Variants in MARCHF1 observed in about 807,000 individuals in gnomAD.
The protein encoded by MARCHF1 is membrane associated ring-CH-type finger 1.
A neutral mutation model predicts 54.2 loss-of-function variants in MARCHF1; 40 were observed. The observed-to-expected ratio is 0.74, with a 90% CI of 0.57 to 0.96. The LOEUF is 0.96. Among genes scored for constraint, MARCHF1 ranks in the 40% least tolerant of loss-of-function variants. The pLI is 0.00. For missense variants in MARCHF1, 586 were observed against 656.5 expected (o/e 0.89, Z 1.17); for synonymous variants, 236 against 236.3 (o/e 1.00, Z 0.01).
intron 1 of MARCHF1, among the ~76,000 whole-genome samples, chr4:164,182,704 A>G (rs551374708): frequency 6.6e-6 from 1 of 152,128 alleles, no homozygotes; most frequent in East Asian, 1.9e-4. Flanking sequence ...TAAATTAAAA[A>G]AAGAAGAAGC....
intron 8 of MARCHF1, among the ~76,000 whole-genome samples, chr4:163,547,282 C>T (rs182572433): frequency 6.6e-6 from 1 of 152,222 alleles, no homozygotes; most frequent in Non-Finnish European, 1.5e-5. Context: ...AATAACCATT[C>T]TTCACTTCTT....
At chr4:163,771,541 T>C (rs1747161293) in intron 4 of MARCHF1, among the ~76,000 whole-genome samples, 1 of 152,162 alleles carries the variant, frequency 6.6e-6, no homozygotes, top group Admixed American at 6.5e-5. Flanking sequence ...GAAAGACAAA[T>C]GAGCTCCCTC....
In MARCHF1 at chr4:163,894,654, TATATATGCATGTGATGC is replaced by T. The variant is rs1560807704; in HGVS notation, c.-38-40502_-38-40486del. On this transcript the variant is annotated intron_variant, in intron 3 of 9. Transcript: ENST00000514618. ...CATATATATATATGCATGTGATGCA[TATATATGCATGTGATGC>T]ATATATATGCATGTGATGCATATAT... Among the ~76,000 whole-genome samples the T allele has an allele frequency of 2.4e-3, 170 of 71,016 alleles. 64 individuals carry two copies. The highest frequency in any genetic ancestry group is 7.0e-3 in the South Asian group (10 of 1,438). 46.6% of individuals were successfully genotyped at this position (71,016 alleles called of 152,430 possible). A position where few individuals can be genotyped will look rare whatever the true frequency, so the allele number is the denominator to read the frequency against.
chr4:163,683,281 A>G (rs550402432), intron 5 of MARCHF1, among the ~76,000 whole-genome samples: 22 of 152,314 alleles, frequency 1.4e-4, no homozygotes, highest in Non-Finnish European at 1.8e-4. Context: ...GGTGGTCGAC[A>G]AGAGAAGAGA....
At chr4:164,149,461 A>G (rs926846982) in intron 1 of MARCHF1, among the ~76,000 whole-genome samples, 2 of 152,222 alleles carry the variant, frequency 1.3e-5, no homozygotes, top group Admixed American at 1.3e-4. Context: ...TTTAAATGGC[A>G]CAACAACCAG....
Position 164,015,183 on chromosome 4 carries a change from G to A in MARCHF1, c.-247-26474C>T, listed in dbSNP as rs147602726. On this transcript the variant is annotated intron_variant, in intron 2 of 9. Coordinates refer to ENST00000514618, the MANE Select transcript of MARCHF1 (RefSeq NM_001394959.1). ...GGTTATCTCATTTTTTGACAAAGGTGCCAAGGACATACGATGGGTAAAGCA... is the reference window on the plus strand; with the variant it reads ...GGTTATCTCATTTTTTGACAAAGGTACCAAGGACATACGATGGGTAAAGCA... Among the ~76,000 whole-genome samples the A allele has an allele frequency of 2.0e-3, 297 of 152,210 alleles. 3 individuals are homozygous for A. The highest frequency in any genetic ancestry group is 0.01 in the Middle Eastern group (3 of 294).
intron 1 of MARCHF1, among the ~76,000 whole-genome samples, chr4:164,310,063 TTTTA>T (rs1038168647): frequency 6.6e-6 from 1 of 151,940 alleles, no homozygotes; most frequent in Non-Finnish European, 1.5e-5. Context: ...TTTTAATTCT[TTTTA>T]TTTTTTTAAT....
chr4:164,184,771 T>C (rs140450343), intron 1 of MARCHF1, among the ~76,000 whole-genome samples: 32 of 152,300 alleles, frequency 2.1e-4, no homozygotes, highest in African/African-American at 7.7e-4. Flanking sequence ...GTCCTTGTAG[T>C]CTCAGCTAGC....
chr4:164,205,606 C>T (rs893258080), intron 1 of MARCHF1, among the ~76,000 whole-genome samples: 79 of 152,132 alleles, frequency 5.2e-4, no homozygotes, highest in African/African-American at 1.9e-3. Context: ...TAGGTTCTAT[C>T]AATTTAGTGA....
At position 164,072,046 on chromosome 4, in the gene MARCHF1, GAAGT is replaced by G. The variant is rs1482668424; in HGVS notation, c.-248+39538_-248+39541del. 9.3e-5 allele frequency among the ~76,000 whole-genome samples: 14 copies of G among 150,052 alleles called. No homozygotes were observed. The South Asian group carries it at 2.7e-3, about 29-fold the overall frequency. Reference sequence around the variant, plus strand: ...TTAACATAGAAACCAAAAAAAAAAAGAAGTAATAAAAGCACTTGTGCTCAGCACT... The same window carrying G: ...TTAACATAGAAACCAAAAAAAAAAAGAATAAAAGCACTTGTGCTCAGCACT... On this transcript the variant is annotated intron_variant, in intron 2 of 9. Coordinates refer to ENST00000514618, the MANE Select transcript of MARCHF1 (RefSeq NM_001394959.1).
chr4:164,143,477 G>A (rs1314457018), intron 1 of MARCHF1, among the ~76,000 whole-genome samples: 1 of 150,874 alleles, frequency 6.6e-6, no homozygotes, highest in African/African-American at 2.4e-5. Flanking sequence ...AGATCTCTCG[G>A]CAGAAACTCT....
chr4:164,020,207 G>A (rs908686862), intron 2 of MARCHF1, among the ~76,000 whole-genome samples: 3 of 152,044 alleles, frequency 2.0e-5, no homozygotes, highest in African/African-American at 7.2e-5. Flanking sequence ...TAAATAAATC[G>A]TATATACTGA....
At chr4:164,054,900 C>A (rs1297276291) in intron 2 of MARCHF1, among the ~76,000 whole-genome samples, 2 of 151,102 alleles carry the variant, frequency 1.3e-5, no homozygotes, top group Non-Finnish European at 2.9e-5. Flanking sequence ...GCACAATGTG[C>A]ACATGTACCC....
At position 163,855,402 on chromosome 4, in the gene MARCHF1, T is replaced by G. The variant is rs17044233; in HGVS notation, c.-38-1233A>C. Reference sequence around the variant, plus strand: ...GCCTTTCAAACACATTGCTTGAGATTTATGTAAAATTGTGATCTATTCAAT... The same window carrying G: ...GCCTTTCAAACACATTGCTTGAGATGTATGTAAAATTGTGATCTATTCAAT... On this transcript the variant is annotated intron_variant, in intron 3 of 9. Coordinates refer to ENST00000514618, the MANE Select transcript of MARCHF1 (RefSeq NM_001394959.1). Among the ~76,000 whole-genome samples the G allele has an allele frequency of 7.4e-3, 1,122 of 152,268 alleles. 12 individuals are homozygous for G. The highest frequency in any genetic ancestry group is 0.026 in the African/African-American group (1,077 of 41,568).
intron 4 of MARCHF1, among the ~76,000 whole-genome samples, chr4:163,707,815 C>T (rs527320404): frequency 2.0e-5 from 3 of 149,612 alleles, no homozygotes; most frequent in Non-Finnish European, 3.0e-5. Flanking sequence ...AAAAGAATCC[C>T]AGCAATAAAG....
intron 1 of MARCHF1, among the ~76,000 whole-genome samples, chr4:164,368,064 G>A (rs1730928752): frequency 6.8e-6 from 1 of 147,828 alleles, no homozygotes; most frequent in Non-Finnish European, 1.5e-5. Flanking sequence ...GACAATAAAA[G>A]ATTAAACCCA....
At chr4:163,809,942 T>C (rs1240239549) in intron 4 of MARCHF1, among the ~76,000 whole-genome samples, 3 of 152,152 alleles carry the variant, frequency 2.0e-5, no homozygotes, top group Non-Finnish European at 4.4e-5. Context: ...ACAAAACTTT[T>C]TTTTCCTGTC....
intron 5 of MARCHF1, among the ~76,000 whole-genome samples, chr4:163,614,041 T>C (rs1741437107): frequency 6.6e-6 from 1 of 152,006 alleles, no homozygotes; most frequent in Non-Finnish European, 1.5e-5. Context: ...TGCATTTCAC[T>C]AAAGTCCTAC....
chr4:163,894,287 T>C lies in MARCHF1; in HGVS notation c.-38-40118A>G, dbSNP rs1206524151. Among the ~76,000 whole-genome samples, 4 of 152,106 alleles carry C rather than the reference T, an allele frequency of 2.6e-5. No homozygotes were observed. In the East Asian group the frequency reaches 5.8e-4, roughly 22 times the overall value. On this transcript the variant is annotated intron_variant, in intron 3 of 9. Transcript: ENST00000514618. The stretch of plus-strand genomic sequence containing the variant: ...CCTGATTTAAGCATTTTGCACTTTA[T>C]ATTGCAGTGGTCTATTTACTTGTGT...
Sources: gnomAD v4.1 joint callset for allele counts (sites outside exome capture counted in the v4.1 genomes callset) on GRCh38, gnomAD v4.1.1 for gene constraint, MANE v1.5 for transcripts, NCBI Gene and HGNC (gene_info 2026-07-23, HGNC 2026-07-21) for gene names.